NEUROG3: variants seen among roughly 807,000 people sequenced by gnomAD.
The protein encoded by NEUROG3 is neurogenin-3.
For synonymous variants in NEUROG3, 161 were observed against 139.2 expected, an observed-to-expected ratio of 1.16 and a Z score of -1.10; for missense variants, 307 against 297.9, an observed-to-expected ratio of 1.03 and a Z score of -0.22.
Position 69,573,299 on chromosome 10 carries a change from T to A in NEUROG3, c.-91A>T, listed in dbSNP as rs1356376989. On this transcript the variant is annotated 5_prime_UTR_variant, in exon 1 of 2. Coordinates refer to ENST00000242462, the MANE Select transcript of NEUROG3 (RefSeq NM_020999.4). ...TTCTGGTCGCCAAGTTCAGCTGAGC[T>A]GCAGGCGCCCCCGCCTGGGAGTTGC... 1 of 561,652 alleles carries A rather than the reference T, an allele frequency of 1.8e-6. No homozygotes were observed. The highest frequency in any genetic ancestry group is 3.1e-6 in the Non-Finnish European group (1 of 319,702). The allele number at this position is 561,652 out of a possible 1,614,324, so 34.8% of individuals were successfully genotyped here. A position where few individuals can be genotyped will look rare whatever the true frequency, so the allele number is the denominator to read the frequency against.
chr10:69,572,082 A>C lies in NEUROG3; in HGVS notation c.*317T>G. ...AGACGGTGGGCGGCTCCGGCCGGGT[A>C]GTGCTACCATTCTAGTATTCTTTGA... is the stretch of plus-strand genomic sequence containing the variant. On this transcript the variant is annotated 3_prime_UTR_variant, in exon 2 of 2. Coordinates refer to ENST00000242462, the MANE Select transcript of NEUROG3 (RefSeq NM_020999.4). The C allele has an allele frequency of 2.5e-6, 1 of 394,496 alleles. No individual in the cohort carries two copies. 24.4% of individuals were successfully genotyped at this position (394,496 alleles called of 1,614,324 possible).
rs1224088975 is a variant in NEUROG3, at chr10:69,572,985, G to T, written c.59C>A (p.Ser20Tyr). 9 of 1,613,674 alleles carry T rather than the reference G, an allele frequency of 5.6e-6. No individual in the cohort carries two copies. The highest frequency in any genetic ancestry group is 7.6e-6 in the Non-Finnish European group (9 of 1,180,024). ...TVQVTRETER[S>Y]FPRASEDEVT... ...TTCGTCTTCCGAGGCTCTGGGGAAGGACCGCTCCGTCTCACGGGTCACTTG... is the reference window on the plus strand; with the variant it reads ...TTCGTCTTCCGAGGCTCTGGGGAAGTACCGCTCCGTCTCACGGGTCACTTG... Residue 20 changes from serine (S) to tyrosine (Y), a missense_variant, in exon 2 of 2, where the codon TCC (serine) becomes TAC (tyrosine). Physicochemically the swap from Ser to Tyr is moderately radical, Grantham distance 144. Transcript: ENST00000242462.
In NEUROG3 at chr10:69,572,566, C is replaced by T; in HGVS notation, c.478G>A (p.Gly160Ser). The T allele has an allele frequency of 2.5e-6, 4 of 1,612,620 alleles. No individual in the cohort carries two copies. The highest frequency in any genetic ancestry group is 3.4e-6 in the Non-Finnish European group (4 of 1,179,374). Residue 160 changes from glycine to serine, a missense_variant, in exon 2 of 2, where the codon GGC (glycine) becomes AGC (serine). Transcript: ENST00000242462. ...EPPAPHCGELGSPGGSPGDWG... is the reference protein window; with the variant it reads ...EPPAPHCGELSSPGGSPGDWG... ...TCCCCGGGGGAACCGCCTGGGCTGC[C>T]CAGCTCCCCGCAGTGCGGCGCCGGC...
Position 69,571,959 on chromosome 10 carries a change from T to G in NEUROG3, c.*440A>C. Reference sequence around the variant, plus strand: ...CGTCTTTGGAGCAAGGCAAGGGGAGTAAGCGCTGAGAGACCAAACATTGGA... The same window carrying G: ...CGTCTTTGGAGCAAGGCAAGGGGAGGAAGCGCTGAGAGACCAAACATTGGA... On this transcript the variant is annotated 3_prime_UTR_variant, in exon 2 of 2. Transcript: ENST00000242462. The G allele has an allele frequency of 1.6e-5, 3 of 182,042 alleles. No individual in the cohort carries two copies. The highest frequency in any genetic ancestry group is 3.5e-5 in the Non-Finnish European group (3 of 86,524). 11.3% of individuals were successfully genotyped at this position (182,042 alleles called of 1,614,324 possible). A position where few individuals can be genotyped will look rare whatever the true frequency, so the allele number is the denominator to read the frequency against.
rs1346375997 is a variant in NEUROG3, at chr10:69,572,472, C to T, written c.572G>A (p.Arg191Gln). The part of the protein sequence containing the change: ...SLSPAASLEE[R>Q]PGLLGATFSA... ...AAAGGTGGCCCCCAGCAGCCCGGGT[C>T]GCTCCTCCAGCGACGCGGCGGGACT... Residue 191 changes from arginine (R) to glutamine (Q), a missense_variant, in exon 2 of 2, where the codon CGA becomes CAA. Transcript: ENST00000242462. 21 of 1,590,236 alleles carry T rather than the reference C, an allele frequency of 1.3e-5. No homozygotes were observed. Among genetic ancestry groups the T allele is most frequent in the Non-Finnish European group, 1.7e-5 (20 of 1,169,412 alleles).
chr10:69,573,415 T>C lies in NEUROG3; in HGVS notation c.-207A>G, dbSNP rs1839246045. The stretch of plus-strand genomic sequence containing the variant: ...GCGCGGCGGTGAGACCGCAGGGATT[T>C]CCTGAGCAGCAAGTCGTGTGCCCCT... On this transcript the variant is annotated 5_prime_UTR_variant, in exon 1 of 2. Coordinates refer to ENST00000242462, the MANE Select transcript of NEUROG3 (RefSeq NM_020999.4). Among the ~76,000 whole-genome samples the C allele has an allele frequency of 6.6e-6, 1 of 152,246 alleles. No homozygotes were observed. The highest frequency in any genetic ancestry group is 3.4e-3 in the Middle Eastern group (1 of 294).
chr10:69,572,238 G>A lies in NEUROG3; in HGVS notation c.*161C>T. 1.2e-6 allele frequency: 1 copy of A among 803,626 alleles called. No individual in the cohort carries two copies. The highest frequency in any genetic ancestry group is 1.9e-6 in the Non-Finnish European group (1 of 519,350). The allele number at this position is 803,626 out of a possible 1,614,324, so 49.8% of individuals were successfully genotyped here. On this transcript the variant is annotated 3_prime_UTR_variant, in exon 2 of 2. Transcript: ENST00000242462. ...GAGGGCCGGGGAATGAACCCAGCCT[G>A]CCGCCCCCGTGGAGGCCTGGGCCGG...
chr10:69,572,918 T>A lies in NEUROG3; in HGVS notation c.126A>T (p.Thr42=), dbSNP rs746627824. The A allele has an allele frequency of 1.2e-6, 2 of 1,611,892 alleles. No homozygotes were observed. The highest frequency in any genetic ancestry group is 1.7e-6 in the Non-Finnish European group (2 of 1,179,622). Residue 42 remains threonine, a synonymous_variant, in exon 2 of 2, where the codon ACA becomes ACT. Coordinates refer to ENST00000242462, the MANE Select transcript of NEUROG3 (RefSeq NM_020999.4). ...CTTCCGCCTCTGCGCAGTTCCCCCG[T>A]GTGCGAGTGGGGCTGGGCGGGGCGG... ...PTSAPPSPTR[T]RGNCAEAEEG...
rs1839217161 is a variant in NEUROG3 at position 69,572,139 on chromosome 10, C to T, written c.*260G>A. On this transcript the variant is annotated 3_prime_UTR_variant, in exon 2 of 2. Coordinates refer to ENST00000242462, the MANE Select transcript of NEUROG3 (RefSeq NM_020999.4). ...TTATGGGGTGGTGGCAGAGAGGAGG[C>T]CTAAAATGAGCGCACTTTGCAATGC... The T allele has an allele frequency of 1.7e-6, 1 of 575,578 alleles. No individual in the cohort carries two copies. The highest frequency in any genetic ancestry group is 3.1e-6 in the Non-Finnish European group (1 of 321,830). The allele number at this position is 575,578 out of a possible 1,614,324, so 35.7% of individuals were successfully genotyped here.
Position 69,573,040 on chromosome 10 carries a change from T to TGC in NEUROG3, c.3_4insGC (p.Thr2AlafsTer13). 6.2e-7 allele frequency: 1 copy of TGC among 1,613,194 alleles called. No homozygotes were observed. The highest frequency in any genetic ancestry group is 8.5e-7 in the Non-Finnish European group (1 of 1,179,878). ...GTGGGCGCACCCGAGGGTTGAGGCG[T>TGC]CATCCTACGGCGGGGTCAGAGGGAA... On this transcript the variant is annotated frameshift_variant, in exon 2 of 2. Coordinates refer to ENST00000242462, the MANE Select transcript of NEUROG3 (RefSeq NM_020999.4). LOFTEE classifies it low-confidence loss of function (END_TRUNC).
chr10:69,573,303 G>C lies in NEUROG3; in HGVS notation c.-95C>G. 1.8e-6 allele frequency: 1 copy of C among 566,418 alleles called. No individual in the cohort carries two copies. The highest frequency in any genetic ancestry group is 3.1e-6 in the Non-Finnish European group (1 of 322,376). The allele number at this position is 566,418 out of a possible 1,614,324, so 35.1% of individuals were successfully genotyped here. On this transcript the variant is annotated 5_prime_UTR_variant, in exon 1 of 2. Coordinates refer to ENST00000242462, the MANE Select transcript of NEUROG3 (RefSeq NM_020999.4). ...GGTCGCCAAGTTCAGCTGAGCTGCA[G>C]GCGCCCCCGCCTGGGAGTTGCCCCA...
rs1839245733 is a variant in NEUROG3 at position 69,573,395 on chromosome 10, G to A, written c.-187C>T. On this transcript the variant is annotated 5_prime_UTR_variant, in exon 1 of 2. Coordinates refer to ENST00000242462, the MANE Select transcript of NEUROG3 (RefSeq NM_020999.4). ...CTGTCACGCTCTCTCTCGAGGCGCGGCGGTGAGACCGCAGGGATTTCCTGA... is the reference window on the plus strand; with the variant it reads ...CTGTCACGCTCTCTCTCGAGGCGCGACGGTGAGACCGCAGGGATTTCCTGA... 6.6e-6 allele frequency among the ~76,000 whole-genome samples: 1 copy of A among 152,242 alleles called. No individual in the cohort carries two copies.
chr10:69,572,343 G>GCTCC lies in NEUROG3; in HGVS notation c.*52_*55dup, dbSNP rs1315080143. On this transcript the variant is annotated 3_prime_UTR_variant, in exon 2 of 2. Coordinates refer to ENST00000242462, the MANE Select transcript of NEUROG3 (RefSeq NM_020999.4). The stretch of plus-strand genomic sequence containing the variant: ...CGTCGGCCACCCTCTACGGCTCCCG[G>GCTCC]CTCCCTCCCTCTCCCTTACCCTTAG... 20 of 1,546,846 alleles carry GCTCC rather than the reference G, an allele frequency of 1.3e-5. No individual in the cohort carries two copies. The highest frequency in any genetic ancestry group is 3.7e-5 in the Admixed American group (2 of 53,968).
rs903394206 is a variant in NEUROG3, at chr10:69,572,565, C to T, written c.479G>A (p.Gly160Asp). ...EPPAPHCGELGSPGGSPGDWG... is the reference protein window; with the variant it reads ...EPPAPHCGELDSPGGSPGDWG... ...GTCCCCGGGGGAACCGCCTGGGCTG[C>T]CCAGCTCCCCGCAGTGCGGCGCCGG... Residue 160 changes from glycine (G) to aspartate (D), a missense_variant, in exon 2 of 2, where the codon GGC becomes GAC. Coordinates refer to ENST00000242462, the MANE Select transcript of NEUROG3 (RefSeq NM_020999.4). The T allele has an allele frequency of 6.2e-7, 1 of 1,612,552 alleles. No homozygotes were observed. The highest frequency in any genetic ancestry group is 1.7e-4 in the Middle Eastern group (1 of 5,962).
rs779055541 is a variant in NEUROG3 at position 69,572,593 on chromosome 10, G to C, written c.451C>G (p.Pro151Ala). ...IADHSLYALE[P>A]PAPHCGELGS... ...AGCTCCCCGCAGTGCGGCGCCGGCG[G>C]CTCCAGCGCGTACAAGCTGTGGTCC... Residue 151 changes from proline to alanine, a missense_variant, in exon 2 of 2, where the codon CCG (proline) becomes GCG (alanine). By Grantham distance (27) the Pro-to-Ala change is conservative (BLOSUM62 -1). Coordinates refer to ENST00000242462, the MANE Select transcript of NEUROG3 (RefSeq NM_020999.4). 1.5e-5 allele frequency: 25 copies of C among 1,613,736 alleles called. No homozygotes were observed. Among genetic ancestry groups the C allele is most frequent in the Non-Finnish European group, 1.9e-5 (23 of 1,179,900 alleles).
In NEUROG3 at chr10:69,572,218, C is replaced by A. The variant is rs1195606808; in HGVS notation, c.*181G>T. 1.4e-6 allele frequency: 1 copy of A among 693,186 alleles called. No homozygotes were observed. The highest frequency in any genetic ancestry group is 2.9e-5 in the Admixed American group (1 of 34,222). 42.9% of individuals were successfully genotyped at this position (693,186 alleles called of 1,614,324 possible). A position where few individuals can be genotyped will look rare whatever the true frequency, so the allele number is the denominator to read the frequency against. On this transcript the variant is annotated 3_prime_UTR_variant, in exon 2 of 2. Transcript: ENST00000242462. ...GCGTGCGTTGGCGCGGCTCGGAGGG[C>A]CGGGGAATGAACCCAGCCTGCCGCC...
In NEUROG3 at chr10:69,573,418, T is replaced by C. The variant is rs1253313899; in HGVS notation, c.-210A>G. On this transcript the variant is annotated 5_prime_UTR_variant, in exon 1 of 2. Coordinates refer to ENST00000242462, the MANE Select transcript of NEUROG3 (RefSeq NM_020999.4). ...CGGCGGTGAGACCGCAGGGATTTCC[T>C]GAGCAGCAAGTCGTGTGCCCCTTGG... 6.6e-6 allele frequency among the ~76,000 whole-genome samples: 1 copy of C among 152,240 alleles called. No homozygotes were observed. The highest frequency in any genetic ancestry group is 1.5e-5 in the Non-Finnish European group (1 of 68,040).
chr10:69,572,178 G>A lies in NEUROG3; in HGVS notation c.*221C>T. On this transcript the variant is annotated 3_prime_UTR_variant, in exon 2 of 2. Transcript: ENST00000242462. ...ACTTTGCAATGCCCACTTCGCGCGGGCAGCAGCAAGGGTTGCGTGCGTTGG... is the reference window on the plus strand; with the variant it reads ...ACTTTGCAATGCCCACTTCGCGCGGACAGCAGCAAGGGTTGCGTGCGTTGG... 1 of 604,202 alleles carries A rather than the reference G, an allele frequency of 1.7e-6. No homozygotes were observed. Among genetic ancestry groups the A allele is most frequent in the Non-Finnish European group, 2.9e-6 (1 of 342,272 alleles). The allele number at this position is 604,202 out of a possible 1,614,324, so 37.4% of individuals were successfully genotyped here. A position where few individuals can be genotyped will look rare whatever the true frequency, so the allele number is the denominator to read the frequency against.
chr10:69,573,157 G>A, intron 1 of NEUROG3, 53 bp downstream of exon 1: 1 of 1,218,608 alleles, frequency 8.2e-7, no homozygotes, highest in Non-Finnish European at 1.2e-6. Context: ...CCCCCGCTGG[G>A]TCAGAGGATC....
Sources: allele counts gnomAD v4.1 joint callset (sites outside exome capture counted in the v4.1 genomes callset), GRCh38; gene constraint gnomAD v4.1.1; transcripts MANE v1.5; gene names NCBI Gene and HGNC (gene_info 2026-07-23, HGNC 2026-07-21).